Variants in SBF2 observed in about 807,000 individuals in gnomAD.
SBF2 encodes myotubularin-related protein 13.
A neutral mutation model predicts 225.2 loss-of-function variants in SBF2; 112 were observed. The ratio of observed to expected loss-of-function variants is 0.50; its 90% CI spans 0.43 to 0.58. SBF2 has a LOEUF of 0.58. Ranked by LOEUF, SBF2 falls within the 20% of genes least tolerant of loss-of-function variation. The probability of loss-of-function intolerance (pLI) is 0.00; values close to 1 mark genes in which losing one functional copy is unlikely to be tolerated. For missense variants in SBF2, 1,996 were observed against 2,206.2 expected, an observed-to-expected ratio of 0.90 and a Z score of 1.91; for synonymous variants, 763 against 773.3, an observed-to-expected ratio of 0.99 and a Z score of 0.22.
At chr11:9,879,546 G>A (rs962906130) in intron 17 of SBF2, among the ~76,000 whole-genome samples, 1 of 152,094 alleles carries the variant, frequency 6.6e-6, no homozygotes, top group Admixed American at 6.5e-5. Flanking sequence ...GAGGACCTGG[G>A]CTAAGCTTGG....
chr11:9,857,277 T>A (rs892993806), intron 18 of SBF2, among the ~76,000 whole-genome samples: 9 of 152,238 alleles, frequency 5.9e-5, no homozygotes, highest in African/African-American at 2.2e-4. Flanking sequence ...AGAGCTGGTA[T>A]GTCTATGGTC....
rs368685694 is a variant in SBF2, at chr11:9,882,761, T to C, written c.1929+13182A>G. Among the ~76,000 whole-genome samples, 34 of 139,758 alleles carry C rather than the reference T, an allele frequency of 2.4e-4. 1 individual carries two copies. The highest frequency in any genetic ancestry group is 8.3e-4 in the African/African-American group (32 of 38,628). 91.7% of individuals were successfully genotyped at this position (139,758 alleles called of 152,430 possible). ...GGGTGGAGGTTGCAGCGAGCTGAGA[T>C]TGCGGTACTGCACTCCAGCCTGGGT... On this transcript the variant is annotated intron_variant, in intron 17 of 39. Transcript: ENST00000256190.
At chr11:10,036,658 A>T (rs899085272) in intron 3 of SBF2, among the ~76,000 whole-genome samples, 1 of 152,200 alleles carries the variant, frequency 6.6e-6, no homozygotes, top group Non-Finnish European at 1.5e-5. Context: ...GGTCATACAG[A>T]TCATTAAAGG....
intron 2 of SBF2, among the ~76,000 whole-genome samples, chr11:10,096,383 TTAAC>T (rs1386799850): frequency 6.7e-6 from 1 of 149,344 alleles, no homozygotes; most frequent in Non-Finnish European, 1.5e-5. Context: ...ATATGTATTT[TTAAC>T]TACTCAATTT....
chr11:10,291,853 A>G (rs1275478133), intron 1 of SBF2, among the ~76,000 whole-genome samples: 1 of 152,256 alleles, frequency 6.6e-6, no homozygotes, highest in Non-Finnish European at 1.5e-5. Flanking sequence ...AGTAAAAATA[A>G]CCAACAATGA....
At chr11:10,101,108 CA>C (rs1053701950) in intron 2 of SBF2, among the ~76,000 whole-genome samples, 3 of 152,144 alleles carry the variant, frequency 2.0e-5, no homozygotes, top group African/African-American at 7.2e-5. Flanking sequence ...ACAAGTTCAG[CA>C]GGCCTAACTC....
intron 16 of SBF2, among the ~76,000 whole-genome samples, chr11:9,938,290 CAGAAAAAAAAA>C (rs965827395): frequency 1.9e-4 from 26 of 134,294 alleles, no homozygotes; most frequent in South Asian, 4.8e-4. Flanking sequence ...GACTCCGTCT[CAGAAAAAAAAA>C]AGAAAAAAAA....
chr11:9,992,630 C>T, intron 11 of SBF2, 87 bp from the exon 12 acceptor site: 5 of 1,308,586 alleles, frequency 3.8e-6, no homozygotes, highest in Non-Finnish European at 5.3e-6. Context: ...AAGATCAAAG[C>T]CTATATAAAT....
chr11:9,789,471 T>C, intron 34 of SBF2, 129 bp from the exon 35 acceptor site: 1 of 652,648 alleles, frequency 1.5e-6, no homozygotes, highest in Non-Finnish European at 2.7e-6. Flanking sequence ...ATACCATATT[T>C]CTAAATATTT....
intron 1 of SBF2, among the ~76,000 whole-genome samples, chr11:10,266,154 T>A (rs1961964903): frequency 6.6e-6 from 1 of 152,184 alleles, no homozygotes; most frequent in Admixed American, 6.6e-5. Context: ...GAGGATAAAC[T>A]CAGCTCTGTA....
intron 2 of SBF2, among the ~76,000 whole-genome samples, chr11:10,116,640 T>C (rs747007156): frequency 1.3e-4 from 20 of 152,236 alleles, no homozygotes; most frequent in Non-Finnish European, 2.4e-4. Context: ...TTCATTAGTT[T>C]ATACAATTTT....
chr11:10,159,964 C>T (rs1565298960), intron 2 of SBF2, among the ~76,000 whole-genome samples: 1 of 152,082 alleles, frequency 6.6e-6, no homozygotes, highest in South Asian at 2.1e-4. Flanking sequence ...GTCTCCTGCA[C>T]ACCTGGCTGT....
At chr11:9,846,906 G>A in intron 23 of SBF2, 50 bp downstream of exon 23, 1 of 1,608,166 alleles carries the variant, frequency 6.2e-7, no homozygotes, top group South Asian at 1.1e-5. Flanking sequence ...AATATCATTT[G>A]ACTTTTGAAA....
At chr11:10,013,657 T>C (rs917799605) in intron 6 of SBF2, among the ~76,000 whole-genome samples, 1 of 152,210 alleles carries the variant, frequency 6.6e-6, no homozygotes, top group Non-Finnish European at 1.5e-5. Flanking sequence ...ATACTTATTA[T>C]TTTTCCTGCA....
intron 24 of SBF2, among the ~76,000 whole-genome samples, chr11:9,843,596 G>A (rs1004194194): frequency 6.6e-6 from 1 of 152,154 alleles, no homozygotes; most frequent in African/African-American, 2.4e-5. Context: ...CTATCACAAA[G>A]AACTCTTCTG....
chr11:10,141,322 A>G (rs1237150131), intron 2 of SBF2, among the ~76,000 whole-genome samples: 1 of 152,204 alleles, frequency 6.6e-6, no homozygotes, highest in Non-Finnish European at 1.5e-5. Flanking sequence ...CTAAAGAAAC[A>G]TCAAATTTAA....
intron 2 of SBF2, among the ~76,000 whole-genome samples, chr11:10,192,125 C>T (rs1380533808): frequency 6.6e-6 from 1 of 152,090 alleles, no homozygotes; most frequent in Non-Finnish European, 1.5e-5. Flanking sequence ...GGTTTAAAAG[C>T]TTTTATAGAA....
At chr11:10,279,505 A>G (rs938719224) in intron 1 of SBF2, among the ~76,000 whole-genome samples, 2 of 151,954 alleles carry the variant, frequency 1.3e-5, no homozygotes, top group African/African-American at 2.4e-5. Flanking sequence ...CTTACCCTGA[A>G]ACTTCTTGGC....
At chr11:10,179,453 A>G (rs982379111) in intron 2 of SBF2, among the ~76,000 whole-genome samples, 1 of 152,124 alleles carries the variant, frequency 6.6e-6, no homozygotes, top group Non-Finnish European at 1.5e-5. Context: ...TGTATGGCCT[A>G]TCCTTGAGAA....
Sources: gnomAD v4.1 joint callset for allele counts (sites outside exome capture counted in the v4.1 genomes callset) on GRCh38, gnomAD v4.1.1 for gene constraint, MANE v1.5 for transcripts, NCBI Gene and HGNC (gene_info 2026-07-23, HGNC 2026-07-21) for gene names.